Variants in ADAM22 observed in about 807,000 individuals in gnomAD.
The protein encoded by ADAM22 is disintegrin and metalloproteinase domain-containing protein 22.
Under a neutral mutation model 144.6 loss-of-function variants are expected in ADAM22, and 65 were observed. The ratio of observed to expected loss-of-function variants is 0.45; its 90% CI spans 0.37 to 0.55. The LOEUF (loss-of-function observed/expected upper bound fraction) is 0.55, where lower values mean the gene tolerates loss of function less well. ADAM22 is among the 20% of genes least tolerant of loss of function. The pLI, the probability that ADAM22 is intolerant of heterozygous loss-of-function variation, is 0.00. For missense variants in ADAM22, 974 were observed against 1,184.9 expected (o/e 0.82, Z 2.61); for synonymous variants, 391 against 412.6 (o/e 0.95, Z 0.63).
At chr7:88,039,464 A>AAAAAAAAAAATATATATAT in intron 3 of ADAM22, among the ~76,000 whole-genome samples, 2 of 76,380 alleles carry the variant, frequency 2.6e-5, no homozygotes, top group Admixed American at 1.5e-4. Flanking sequence ...AAAAAAAAAA[A>AAAAAAAAAAATATATATAT]ATATATATAT....
intron 7 of ADAM22, among the ~76,000 whole-genome samples, chr7:88,124,525 T>C (rs1353310891): frequency 6.6e-6 from 1 of 151,484 alleles, no homozygotes; most frequent in Non-Finnish European, 1.5e-5. Context: ...AAGTCTTGCA[T>C]TAAAAAAAAA....
chr7:87,960,931 A>G (rs1055897090), intron 2 of ADAM22, among the ~76,000 whole-genome samples: 2 of 152,222 alleles, frequency 1.3e-5, no homozygotes, highest in Admixed American at 6.5e-5. Context: ...TTTGGGATAC[A>G]TCAGTGAATA....
chr7:87,991,500 G>A (rs971102606), intron 3 of ADAM22, among the ~76,000 whole-genome samples: 1 of 151,866 alleles, frequency 6.6e-6, no homozygotes, highest in African/African-American at 2.4e-5. Flanking sequence ...CCGAGTAGCT[G>A]GGACTACAGG....
chr7:88,075,065 A>G (rs1029393963), intron 3 of ADAM22, among the ~76,000 whole-genome samples: 12 of 152,218 alleles, frequency 7.9e-5, no homozygotes, highest in Admixed American at 6.5e-4. Flanking sequence ...GAAATTAAAG[A>G]GAAGCATATT....
At chr7:88,161,263 C>A (rs1841568313) in intron 22 of ADAM22, among the ~76,000 whole-genome samples, 1 of 149,870 alleles carries the variant, frequency 6.7e-6, no homozygotes, top group African/African-American at 2.4e-5. Flanking sequence ...AACTGGCTAG[C>A]CATATGCAGA....
intron 4 of ADAM22, among the ~76,000 whole-genome samples, chr7:88,090,732 A>G (rs1007727653): frequency 1.3e-4 from 20 of 152,130 alleles, no homozygotes; most frequent in Admixed American, 2.6e-4. Flanking sequence ...AGGGTTCACC[A>G]TATGGTAATT....
At chr7:88,186,957 G>A (rs1015449113) in intron 30 of ADAM22, among the ~76,000 whole-genome samples, 1 of 152,164 alleles carries the variant, frequency 6.6e-6, no homozygotes, top group Non-Finnish European at 1.5e-5. Flanking sequence ...AAGCTTTTTA[G>A]TAGCTTTCTC....
At chr7:88,178,888 A>ATG in intron 26 of ADAM22, 47 bp from the exon 27 acceptor site, 1 of 1,234,310 alleles carries the variant, frequency 8.1e-7, no homozygotes, top group Non-Finnish European at 1.2e-6. Flanking sequence ...GTCTGTGTTC[A>ATG]TGTGTGTGTC....
In ADAM22 at chr7:87,982,691, AT is replaced by A. The variant is rs1562916638; in HGVS notation, c.323+4280del. Among the ~76,000 whole-genome samples, 41 of 71,588 alleles carry A rather than the reference AT, an allele frequency of 5.7e-4. 2 individuals carry two copies. The highest frequency in any genetic ancestry group is 1.2e-3 in the African/African-American group (16 of 13,090). 47.0% of individuals were successfully genotyped at this position (71,588 alleles called of 152,430 possible). On this transcript the variant is annotated intron_variant, in intron 3 of 31. Coordinates refer to ENST00000413139, the MANE Select transcript of ADAM22 (RefSeq NM_001324418.2). ...ATTACATATATATATATATATATATATATATATAATTTTTTTTTTTGAGATA... is the reference window on the plus strand; with the variant it reads ...ATTACATATATATATATATATATATAATATATAATTTTTTTTTTTGAGATA...
At chr7:88,112,482 T>C (rs1024456143) in intron 5 of ADAM22, among the ~76,000 whole-genome samples, 1 of 152,132 alleles carries the variant, frequency 6.6e-6, no homozygotes, top group Non-Finnish European at 1.5e-5. Context: ...AACTAAAAAA[T>C]TACTACAGCT....
chr7:88,158,312 C>T (rs1840565516), intron 22 of ADAM22, among the ~76,000 whole-genome samples: 1 of 152,060 alleles, frequency 6.6e-6, no homozygotes, highest in Non-Finnish European at 1.5e-5. Flanking sequence ...TAGGAGACTT[C>T]AACACTTCAC....
chr7:87,942,925 A>G (rs1005509519), intron 2 of ADAM22, among the ~76,000 whole-genome samples: 1 of 152,096 alleles, frequency 6.6e-6, no homozygotes, highest in Non-Finnish European at 1.5e-5. Flanking sequence ...TTATGCCTTC[A>G]TAGAACTAGC....
At chr7:88,103,248 T>A (rs1028102104) in intron 4 of ADAM22, among the ~76,000 whole-genome samples, 5 of 152,188 alleles carry the variant, frequency 3.3e-5, no homozygotes, top group African/African-American at 1.2e-4. Context: ...GCTCCAATTG[T>A]TTCTCTTTAT....
intron 3 of ADAM22, among the ~76,000 whole-genome samples, chr7:88,063,174 A>G (rs1261620732): frequency 1.3e-5 from 2 of 152,222 alleles, no homozygotes; most frequent in African/African-American, 4.8e-5. Flanking sequence ...AAGAACAAAA[A>G]CACAGTATCT....
chr7:88,094,260 G>A (rs1483114120), intron 4 of ADAM22, among the ~76,000 whole-genome samples: 3 of 152,214 alleles, frequency 2.0e-5, no homozygotes, highest in Non-Finnish European at 4.4e-5. Context: ...TGGGAGACCT[G>A]ACCTCATCTG....
At chr7:88,031,246 G>T (rs1157319028) in intron 3 of ADAM22, among the ~76,000 whole-genome samples, 1 of 152,208 alleles carries the variant, frequency 6.6e-6, no homozygotes, top group African/African-American at 2.4e-5. Flanking sequence ...ATTGCTATAA[G>T]GATACCTGAA....
At chr7:88,103,475 T>A (rs1823504587) in intron 4 of ADAM22, among the ~76,000 whole-genome samples, 1 of 152,164 alleles carries the variant, frequency 6.6e-6, no homozygotes, top group African/African-American at 2.4e-5. Context: ...AAACCAATAA[T>A]AGACATATAA....
intron 13 of ADAM22, among the ~76,000 whole-genome samples, chr7:88,135,277 C>CAAAA (rs55721029): frequency 1.7e-5 from 1 of 60,472 alleles, no homozygotes; most frequent in Admixed American, 2.4e-4. Flanking sequence ...GACTCCATCT[C>CAAAA]AAAAAAAAAA....
At chr7:87,963,545 C>T (rs776220003) in intron 2 of ADAM22, among the ~76,000 whole-genome samples, 3 of 152,120 alleles carry the variant, frequency 2.0e-5, no homozygotes, top group South Asian at 2.1e-4. Flanking sequence ...TTTAACCCAG[C>T]ATGTCAAATG....
Sources: gnomAD v4.1 joint callset for allele counts (sites outside exome capture counted in the v4.1 genomes callset) on GRCh38, gnomAD v4.1.1 for gene constraint, MANE v1.5 for transcripts, NCBI Gene and HGNC (gene_info 2026-07-23, HGNC 2026-07-21) for gene names.